Variants in TMEM200A observed in about 807,000 individuals in gnomAD.
The protein encoded by TMEM200A is two transmembrane C.
Under a neutral mutation model 24.3 loss-of-function variants are expected in TMEM200A, and 12 were observed. The observed-to-expected ratio is 0.49, with a 90% CI of 0.32 to 0.80. TMEM200A has a LOEUF of 0.80. TMEM200A is among the 30% of genes least tolerant of loss of function. The pLI is 0.04. For synonymous variants in TMEM200A, 224 were observed against 224.4 expected (o/e 1.00, Z 0.02); for missense variants, 545 against 614.4 (o/e 0.89, Z 1.19).
In TMEM200A at chr6:130,366,761, G is replaced by A. The variant is rs993485223; in HGVS notation, c.-81+237G>A. Among the ~76,000 whole-genome samples, 4 of 152,194 alleles carry A rather than the reference G, an allele frequency of 2.6e-5. No homozygotes were observed. Among genetic ancestry groups the A allele is most frequent in the Non-Finnish European group, 4.4e-5 (3 of 68,028 alleles). ...GTGCGGGGCAGCCTCCAAGAACCCGGAGTACTGGAGCGCCTGGCTGGGTTT... is the reference window on the plus strand; with the variant it reads ...GTGCGGGGCAGCCTCCAAGAACCCGAAGTACTGGAGCGCCTGGCTGGGTTT... On this transcript the variant is annotated intron_variant, in intron 1 of 2. Coordinates refer to ENST00000296978, the MANE Select transcript of TMEM200A (RefSeq NM_001258277.2). The surrounding 1 kb of genome is among the most constrained non-coding windows in gnomAD (Gnocchi z 4.4).
chr6:130,366,449 G>A lies in TMEM200A; in HGVS notation c.-156G>A. 1 of 985,590 alleles carries A rather than the reference G, an allele frequency of 1.0e-6. No individual in the cohort carries two copies. Among genetic ancestry groups the A allele is most frequent in the Non-Finnish European group, 1.2e-6 (1 of 830,072 alleles). 61.1% of individuals were successfully genotyped at this position (985,590 alleles called of 1,614,324 possible). On this transcript the variant is annotated 5_prime_UTR_variant, in exon 1 of 3. Coordinates refer to ENST00000296978, the MANE Select transcript of TMEM200A (RefSeq NM_001258277.2). The surrounding 1 kb of genome is among the most constrained non-coding windows in gnomAD (Gnocchi z 4.4). ...CGCCTCCAGAGGCGCCCGACGTCCCGACAGCTCCTGGAGTGAGACCAGGAC... is the reference window on the plus strand; with the variant it reads ...CGCCTCCAGAGGCGCCCGACGTCCCAACAGCTCCTGGAGTGAGACCAGGAC...
At chr6:130,365,985 G>A (rs552028384), upstream of TMEM200A, 2 of 985,448 alleles carry the variant, frequency 2.0e-6, no homozygotes, top group Non-Finnish European at 2.4e-6. Context: ...CCTCTTCGGG[G>A]CTTTATGGCG....
chr6:130,424,310 A>AATT (rs1345077591), intron 2 of TMEM200A, among the ~76,000 whole-genome samples: 1 of 152,134 alleles, frequency 6.6e-6, no homozygotes, highest in African/African-American at 2.4e-5. Flanking sequence ...GAAATGGAGC[A>AATT]ATTTTTCCTC....
At chr6:130,402,090 A>C (rs1306264876) in intron 2 of TMEM200A, among the ~76,000 whole-genome samples, 1 of 151,346 alleles carries the variant, frequency 6.6e-6, no homozygotes, top group African/African-American at 2.4e-5. Context: ...AAAAAACCTT[A>C]AGGCTTTTGG....
chr6:130,406,754 T>G lies in TMEM200A; in HGVS notation c.-17+21518T>G, dbSNP rs146624403. Among the ~76,000 whole-genome samples the G allele has an allele frequency of 1.2e-4, 18 of 152,328 alleles. No homozygotes were observed. The East Asian group carries it at 3.3e-3, about 28-fold the overall frequency. On this transcript the variant is annotated intron_variant, in intron 2 of 2. Transcript: ENST00000296978. ...TCTGTCTTAAACAGAAGCCCAGTCC[T>G]CTCTCCTTAATTTGTACCCATCTCT...
At chr6:130,431,544 G>A (rs1779874395) in intron 2 of TMEM200A, among the ~76,000 whole-genome samples, 3 of 152,174 alleles carry the variant, frequency 2.0e-5, no homozygotes, top group Admixed American at 6.5e-5. Context: ...GAGTTGGGAT[G>A]TGGGGTGGAA....
chr6:130,442,157 T>G lies in TMEM200A; in HGVS notation c.*259T>G, dbSNP rs1261291894. ...TTTTATTAATATGAATGCAAAATGC[T>G]TGCATCCAAATTAAAGCTTATTTTC... On this transcript the variant is annotated 3_prime_UTR_variant, in exon 3 of 3. Transcript: ENST00000296978. 2 of 335,054 alleles carry G rather than the reference T, an allele frequency of 6.0e-6. No individual in the cohort carries two copies. The highest frequency in any genetic ancestry group is 1.1e-5 in the Non-Finnish European group (2 of 175,840). The allele number at this position is 335,054 out of a possible 1,614,324, so 20.8% of individuals were successfully genotyped here.
At chr6:130,433,906 C>T (rs1230078811) in intron 2 of TMEM200A, among the ~76,000 whole-genome samples, 2 of 152,232 alleles carry the variant, frequency 1.3e-5, no homozygotes, top group African/African-American at 2.4e-5. Flanking sequence ...ATCTGCATGG[C>T]ATACCCTCAT....
intron 2 of TMEM200A, among the ~76,000 whole-genome samples, chr6:130,435,947 C>T (rs1473002180): frequency 6.6e-6 from 1 of 152,188 alleles, no homozygotes; most frequent in Non-Finnish European, 1.5e-5. Flanking sequence ...GGCCTTCAAA[C>T]TTATGTACTC....
chr6:130,387,907 G>C (rs1244066085), intron 2 of TMEM200A, among the ~76,000 whole-genome samples: 2 of 152,106 alleles, frequency 1.3e-5, no homozygotes, highest in Non-Finnish European at 2.9e-5. Context: ...TTTCAAGGTA[G>C]GAAAGAATAC....
chr6:130,412,576 C>G (rs924000578), intron 2 of TMEM200A, among the ~76,000 whole-genome samples: 1 of 152,150 alleles, frequency 6.6e-6, no homozygotes, highest in Non-Finnish European at 1.5e-5. Flanking sequence ...ACCCTCTTTA[C>G]CCAGCTCAGA....
At chr6:130,386,327 C>T (rs1042412499) in intron 2 of TMEM200A, among the ~76,000 whole-genome samples, 3 of 152,172 alleles carry the variant, frequency 2.0e-5, no homozygotes, top group Non-Finnish European at 4.4e-5. Context: ...GGGGTAGCCA[C>T]TGAGTTTGCT....
Position 130,440,457 on chromosome 6 carries a change from C to A in TMEM200A, c.35C>A (p.Ala12Asp). The A allele has an allele frequency of 6.3e-7, 1 of 1,599,668 alleles. No individual in the cohort carries two copies. Among genetic ancestry groups the A allele is most frequent in the Non-Finnish European group, 8.5e-7 (1 of 1,173,580 alleles). ...IATGGVITGLAALKRQDSARS... is the reference protein window; with the variant it reads ...IATGGVITGLDALKRQDSARS... ...ACTGGTGGAGTGATAACTGGCCTGG[C>A]CGCCTTGAAAAGGCAAGACTCTGCC... Residue 12 changes from alanine (A) to aspartate (D), a missense_variant, in exon 3 of 3, where the codon GCC becomes GAC. Physicochemically the swap from Ala to Asp is moderately radical, Grantham distance 126. Coordinates refer to ENST00000296978, the MANE Select transcript of TMEM200A (RefSeq NM_001258277.2).
chr6:130,394,572 G>T (rs1442274654), intron 2 of TMEM200A, among the ~76,000 whole-genome samples: 1 of 152,150 alleles, frequency 6.6e-6, no homozygotes, highest in African/African-American at 2.4e-5. Context: ...TTATATGTGG[G>T]AGGACATTTT....
chr6:130,427,092 G>A (rs1038129291), intron 2 of TMEM200A, among the ~76,000 whole-genome samples: 5 of 152,084 alleles, frequency 3.3e-5, no homozygotes, highest in Admixed American at 6.6e-5. Context: ...ATTAGCAAGC[G>A]CACCTAATTA....
At position 130,442,587 on chromosome 6, in the gene TMEM200A, A is replaced by G. The variant is rs540081488; in HGVS notation, c.*689A>G. On this transcript the variant is annotated 3_prime_UTR_variant, in exon 3 of 3. Coordinates refer to ENST00000296978, the MANE Select transcript of TMEM200A (RefSeq NM_001258277.2). ...ACATCAAAATGCAATTATAGTTGCTATAACGTTAGATACTCGGAATCAAAA... is the reference window on the plus strand; with the variant it reads ...ACATCAAAATGCAATTATAGTTGCTGTAACGTTAGATACTCGGAATCAAAA... The G allele has an allele frequency of 1.3e-4, 22 of 166,952 alleles. No homozygotes were observed. The highest frequency in any genetic ancestry group is 5.3e-4 in the African/African-American group (22 of 41,596). 10.3% of individuals were successfully genotyped at this position (166,952 alleles called of 1,614,324 possible).
At chr6:130,416,453 T>G (rs1779456337) in intron 2 of TMEM200A, among the ~76,000 whole-genome samples, 1 of 152,148 alleles carries the variant, frequency 6.6e-6, no homozygotes, top group Non-Finnish European at 1.5e-5. Context: ...TTTTCATTTG[T>G]TCTTATTACA....
At chr6:130,384,708 A>G (rs1367886782) in intron 1 of TMEM200A, among the ~76,000 whole-genome samples, 1 of 152,246 alleles carries the variant, frequency 6.6e-6, no homozygotes, top group Non-Finnish European at 1.5e-5. Flanking sequence ...AAGGAATAGC[A>G]TGTTTCTGAT....
intron 2 of TMEM200A, chr6:130,438,662 C>G (rs1247388974): frequency 6.6e-6 from 1 of 152,184 alleles, no homozygotes; most frequent in African/African-American, 2.4e-5. Context: ...GTCCCTCATT[C>G]AGCATTTTAG....
Sources: allele counts gnomAD v4.1 joint callset (sites outside exome capture counted in the v4.1 genomes callset), GRCh38; gene constraint gnomAD v4.1.1; non-coding constraint Gnocchi (gnomAD v3.1); transcripts MANE v1.5; gene names NCBI Gene and HGNC (gene_info 2026-07-23, HGNC 2026-07-21).